The following KCNQ5 variants were observed in gnomAD, a reference collection of about 807,000 sequenced individuals.
KCNQ5 encodes potassium voltage-gated channel subfamily KQT member 5.
Under a neutral mutation model 98.2 loss-of-function variants are expected in KCNQ5, and 30 were observed. The observed-to-expected ratio is 0.31, with a 90% CI of 0.23 to 0.41. The LOEUF (loss-of-function observed/expected upper bound fraction) is 0.41. Among genes scored for constraint, KCNQ5 ranks in the 10% least tolerant of loss-of-function variants. The probability of loss-of-function intolerance (pLI) is 1.00; values close to 1 mark genes in which losing one functional copy is unlikely to be tolerated. For missense variants in KCNQ5, 835 were observed against 1,182.5 expected (o/e 0.71, Z 4.31); for synonymous variants, 458 against 449.4 (o/e 1.02, Z -0.24).
At chr6:73,186,160 A>G (rs1458906274) in intron 11 of KCNQ5, among the ~76,000 whole-genome samples, 1 of 152,156 alleles carries the variant, frequency 6.6e-6, no homozygotes, top group Non-Finnish European at 1.5e-5. Context: ...CTGGGAGGTC[A>G]AGGCTGCAAT....
intron 1 of KCNQ5, among the ~76,000 whole-genome samples, chr6:72,891,577 G>GC (rs984370710): frequency 6.6e-6 from 1 of 152,018 alleles, no homozygotes; most frequent in Non-Finnish European, 1.5e-5. Flanking sequence ...TGCTCCATAT[G>GC]CCCCCCAAAA....
intron 1 of KCNQ5, among the ~76,000 whole-genome samples, chr6:72,688,173 A>G (rs1161771745): frequency 2.0e-5 from 3 of 152,268 alleles, no homozygotes; most frequent in Non-Finnish European, 4.4e-5. Flanking sequence ...AGCAGAGTTT[A>G]CACTTTATAC....
chr6:72,777,607 AAAC>A (rs1344270747), intron 1 of KCNQ5, among the ~76,000 whole-genome samples: 1 of 152,196 alleles, frequency 6.6e-6, no homozygotes, highest in Non-Finnish European at 1.5e-5. Context: ...ATAAGCATTT[AAAC>A]AACAACAACA....
At chr6:73,092,921 T>C (rs900360053) in intron 5 of KCNQ5, among the ~76,000 whole-genome samples, 1 of 152,170 alleles carries the variant, frequency 6.6e-6, no homozygotes, top group African/African-American at 2.4e-5. Flanking sequence ...TGATACTGGC[T>C]TCATAGAATG....
At chr6:72,962,778 G>A (rs1329990516) in intron 1 of KCNQ5, among the ~76,000 whole-genome samples, 15 of 152,154 alleles carry the variant, frequency 9.9e-5, no homozygotes, top group Admixed American at 9.2e-4. Flanking sequence ...GCCAGGACTG[G>A]ATGGAGACAA....
At chr6:72,667,362 C>T (rs540745115) in intron 1 of KCNQ5, among the ~76,000 whole-genome samples, 148 of 152,304 alleles carry the variant, frequency 9.7e-4, no homozygotes, top group Non-Finnish European at 1.9e-3. Context: ...ATCCCGACTT[C>T]ACCCTGCATT....
intron 2 of KCNQ5, among the ~76,000 whole-genome samples, chr6:73,012,790 G>C (rs1770139994): frequency 1.3e-5 from 2 of 151,684 alleles, no homozygotes; most frequent in Admixed American, 1.3e-4. Flanking sequence ...TAACAAACCT[G>C]CACATCCTGC....
chr6:73,176,830 G>A (rs1778232396), intron 11 of KCNQ5, among the ~76,000 whole-genome samples: 1 of 152,180 alleles, frequency 6.6e-6, no homozygotes, highest in Non-Finnish European at 1.5e-5. Flanking sequence ...CAGCAGGTAG[G>A]TGGATCTCTG....
rs1328962837 is a variant in KCNQ5, at chr6:73,197,577, GCATACACACACA to G, written c.*2166_*2177del. The G allele has an allele frequency of 1.3e-4, 14 of 107,014 alleles. No individual in the cohort carries two copies. Among genetic ancestry groups the G allele is most frequent in the African/African-American group, 4.9e-4 (14 of 28,442 alleles). 6.6% of individuals were successfully genotyped at this position (107,014 alleles called of 1,614,324 possible). ...TGTGATTCCCCCTTGCAAGAATGTT[GCATACACACACA>G]CACACACACACACACACACACACAC... On this transcript the variant is annotated 3_prime_UTR_variant, in exon 14 of 14. Transcript: ENST00000370398.
chr6:72,688,161 T>G (rs544000624), intron 1 of KCNQ5, among the ~76,000 whole-genome samples: 1 of 152,324 alleles, frequency 6.6e-6, no homozygotes, highest in Admixed American at 6.5e-5. Flanking sequence ...CTAACTATAC[T>G]GAGCAGAGTT....
chr6:73,129,664 A>G (rs1776140498), intron 9 of KCNQ5: 2 of 683,228 alleles, frequency 2.9e-6, no homozygotes. Context: ...CTCTCTGCTT[A>G]AATAGTCTGT....
At chr6:73,177,884 T>C (rs1778273144) in intron 11 of KCNQ5, among the ~76,000 whole-genome samples, 1 of 152,218 alleles carries the variant, frequency 6.6e-6, no homozygotes, top group East Asian at 1.9e-4. Context: ...AGGTAATTAG[T>C]TGTGGCTACA....
chr6:72,772,119 T>C (rs1426204473), intron 1 of KCNQ5, among the ~76,000 whole-genome samples: 1 of 152,164 alleles, frequency 6.6e-6, no homozygotes, highest in African/African-American at 2.4e-5. Flanking sequence ...AATATTGCAC[T>C]ATGAAATTTA....
intron 2 of KCNQ5, among the ~76,000 whole-genome samples, chr6:73,012,126 C>CA (rs1355933200): frequency 1.3e-5 from 2 of 151,818 alleles, no homozygotes; most frequent in East Asian, 3.9e-4. Context: ...GGATGTATGC[C>CA]AAAAACACTG....
intron 1 of KCNQ5, among the ~76,000 whole-genome samples, chr6:72,704,479 A>T (rs1418163233): frequency 6.6e-6 from 1 of 152,130 alleles, no homozygotes; most frequent in Non-Finnish European, 1.5e-5. Flanking sequence ...CAGTAAGTTA[A>T]TTTAGGCAAC....
chr6:72,808,130 T>A (rs1247916942), intron 1 of KCNQ5, among the ~76,000 whole-genome samples: 1 of 151,656 alleles, frequency 6.6e-6, no homozygotes, highest in African/African-American at 2.4e-5. Context: ...AAGGAGAGAG[T>A]CAATGGCGGC....
At chr6:73,024,037 C>G (rs1246343091) in intron 2 of KCNQ5, among the ~76,000 whole-genome samples, 1 of 152,144 alleles carries the variant, frequency 6.6e-6, no homozygotes, top group Non-Finnish European at 1.5e-5. Context: ...TAGCATCACT[C>G]CCAAATGTCA....
chr6:72,686,941 A>G (rs976261982), intron 1 of KCNQ5, among the ~76,000 whole-genome samples: 2 of 152,302 alleles, frequency 1.3e-5, no homozygotes, highest in African/African-American at 4.8e-5. Flanking sequence ...GCTAAATTAT[A>G]TGATTCTATA....
At chr6:73,063,717 TAGATGATAGATAGATA>T (rs1468618294) in intron 3 of KCNQ5, among the ~76,000 whole-genome samples, 1 of 110,512 alleles carries the variant, frequency 9.0e-6, no homozygotes, top group Non-Finnish European at 1.9e-5. Flanking sequence ...GATAGATAGA[TAGATGATAGATAGATA>T]GATAGATAGA....
Sources: gnomAD v4.1 joint callset for allele counts (sites outside exome capture counted in the v4.1 genomes callset) on GRCh38, gnomAD v4.1.1 for gene constraint, MANE v1.5 for transcripts, NCBI Gene and HGNC (gene_info 2026-07-23, HGNC 2026-07-21) for gene names.